The following AGMO variants were observed in gnomAD, a reference collection of about 807,000 sequenced individuals.
The protein encoded by AGMO is alkylglycerol monooxygenase, also known as glyceryl-ether monooxygenase.
Under a neutral mutation model 60.2 loss-of-function variants are expected in AGMO, and 75 were observed. The observed-to-expected ratio is 1.25, with a 90% CI of 1.03 to 1.51. The LOEUF is 1.51. Ranked by LOEUF, AGMO falls within the 40% of genes most tolerant of loss-of-function variation. The pLI is 0.00. For synonymous variants in AGMO, 261 were observed against 177.1 expected (o/e 1.47, Z -3.76); for missense variants, 763 against 525.5 (o/e 1.45, Z -4.42).
In AGMO at chr7:15,472,491, G is replaced by C. The variant is rs765239175; in HGVS notation, c.410-41383C>G. On this transcript the variant is annotated intron_variant, in intron 3 of 12. Coordinates refer to ENST00000342526, the MANE Select transcript of AGMO (RefSeq NM_001004320.2). ...ACAACTCTGGAATCACAGTACTTTA[G>C]ACCTGAAAGAAACCTCAGATGTCAC... is the stretch of plus-strand genomic sequence containing the variant. Among the ~76,000 whole-genome samples the C allele has an allele frequency of 7.9e-5, 12 of 151,784 alleles. 1 individual carries two copies. The highest frequency in any genetic ancestry group is 7.2e-4 in the Admixed American group (11 of 15,194).
the AGMO span, among the ~76,000 whole-genome samples, chr7:15,186,511 A>C: frequency 6.6e-6 from 1 of 152,194 alleles, no homozygotes; most frequent in Non-Finnish European, 1.5e-5. Context: ...AATGGCTGCA[A>C]AGAATGAGTA....
At chr7:15,189,856 A>AT in the AGMO span, among the ~76,000 whole-genome samples, 26 of 151,374 alleles carry the variant, frequency 1.7e-4, no homozygotes, top group African/African-American at 6.0e-4. Context: ...TTCAACAAGA[A>AT]TTTTTTATAC....
downstream of AGMO, chr7:15,200,174 T>G: frequency 7.1e-6 from 1 of 141,280 alleles, no homozygotes; most frequent in African/African-American, 2.8e-5. Context: ...TCAAGAAATA[T>G]TGGATAAATG....
chr7:15,515,471 C>T (rs77433068), intron 3 of AGMO, among the ~76,000 whole-genome samples: 1 of 152,166 alleles, frequency 6.6e-6, no homozygotes, highest in African/African-American at 2.4e-5. Flanking sequence ...CCCGTTAAAT[C>T]CCTGGAATTA....
At chr7:15,136,555 G>A in the AGMO span, among the ~76,000 whole-genome samples, 1 of 152,036 alleles carries the variant, frequency 6.6e-6, no homozygotes, top group East Asian at 1.9e-4. Flanking sequence ...CTAATAGTGT[G>A]TTGGTATTAT....
rs1470147329 is a variant in AGMO, at chr7:15,356,938, T to C, written c.1263+8576A>G. ...GCCTGGCCAACATGGCGAAATCCCCTCTCTACTAAAATTACAAAAAAAAAA... is the reference window on the plus strand; with the variant it reads ...GCCTGGCCAACATGGCGAAATCCCCCCTCTACTAAAATTACAAAAAAAAAA... On this transcript the variant is annotated intron_variant, in intron 12 of 12. Coordinates refer to ENST00000342526, the MANE Select transcript of AGMO (RefSeq NM_001004320.2). Among the ~76,000 whole-genome samples, 4 of 130,926 alleles carry C rather than the reference T, an allele frequency of 3.1e-5. No individual in the cohort carries two copies. In the East Asian group the frequency reaches 6.5e-4, roughly 21 times the overall value. The allele number at this position is 130,926 out of a possible 152,430, so 85.9% of individuals were successfully genotyped here.
At chr7:15,244,202 A>G (rs1024763881) in intron 12 of AGMO, among the ~76,000 whole-genome samples, 3 of 152,192 alleles carry the variant, frequency 2.0e-5, no homozygotes, top group African/African-American at 7.2e-5. Flanking sequence ...TACAAAGCAT[A>G]AAATGTGAGA....
chr7:15,385,306 A>G (rs2128482952), intron 10 of AGMO, 140 bp downstream of exon 10: 1 of 572,062 alleles, frequency 1.7e-6, no homozygotes, highest in East Asian at 3.0e-5. Context: ...TGTTTTACCT[A>G]TTTAAATGTG....
intron 5 of AGMO, chr7:15,395,993 G>T (rs992483443): frequency 1.3e-5 from 2 of 152,024 alleles, no homozygotes; most frequent in Admixed American, 6.5e-5. Context: ...TCCTTCTCTG[G>T]GACAGGAGCC....
At chr7:15,500,477 T>C (rs147442465) in intron 3 of AGMO, among the ~76,000 whole-genome samples, 30 of 151,818 alleles carry the variant, frequency 2.0e-4, no homozygotes, top group African/African-American at 6.3e-4. Context: ...AAAATAAGAG[T>C]ATCGATTCAT....
chr7:15,230,836 T>A (rs927075101), intron 12 of AGMO, among the ~76,000 whole-genome samples: 1 of 152,116 alleles, frequency 6.6e-6, no homozygotes, highest in African/African-American at 2.4e-5. Context: ...TCCCTCAATA[T>A]TGAGAAGACT....
At chr7:15,368,099 G>C (rs911925228) in intron 10 of AGMO, among the ~76,000 whole-genome samples, 1 of 151,906 alleles carries the variant, frequency 6.6e-6, no homozygotes, top group African/African-American at 2.4e-5. Context: ...GAGTATTGCT[G>C]AGTGGTCAAA....
chr7:15,461,459 AG>A (rs1377591558), intron 3 of AGMO, among the ~76,000 whole-genome samples: 1 of 138,674 alleles, frequency 7.2e-6, no homozygotes, highest in Non-Finnish European at 1.6e-5. Flanking sequence ...CTTAAGGTCA[AG>A]AATAAAGAAC....
the AGMO span, among the ~76,000 whole-genome samples, chr7:15,117,796 G>C: frequency 2.0e-5 from 3 of 151,968 alleles, no homozygotes; most frequent in African/African-American, 7.2e-5. Flanking sequence ...GCAAAAGATA[G>C]GTAAAGTGCT....
At chr7:15,380,420 G>T (rs1466207924) in intron 10 of AGMO, among the ~76,000 whole-genome samples, 2 of 151,894 alleles carry the variant, frequency 1.3e-5, no homozygotes, top group Non-Finnish European at 2.9e-5. Context: ...ATTGCCACAA[G>T]AATAATAAAA....
At chr7:15,260,283 G>C (rs569884971) in intron 12 of AGMO, among the ~76,000 whole-genome samples, 1 of 151,282 alleles carries the variant, frequency 6.6e-6, no homozygotes, top group Non-Finnish European at 1.5e-5. Context: ...AACACAGAAG[G>C]ACTCACTTAC....
At chr7:15,378,322 T>C (rs1783534649) in intron 10 of AGMO, among the ~76,000 whole-genome samples, 2 of 152,050 alleles carry the variant, frequency 1.3e-5, no homozygotes, top group African/African-American at 4.8e-5. Flanking sequence ...AATAAATATA[T>C]ATGGACAACA....
intron 12 of AGMO, among the ~76,000 whole-genome samples, chr7:15,270,619 TTTTTTTTTTTTTTTTTTTG>T (rs1416930250): frequency 3.0e-5 from 4 of 133,410 alleles, no homozygotes; most frequent in African/African-American, 8.4e-5. Context: ...TTTTTTTTTT[TTTTTTTTTTTTTTTTTTTG>T]CTGTGCAGAA....
At chr7:15,301,532 A>G (rs1397174832) in intron 12 of AGMO, among the ~76,000 whole-genome samples, 2 of 152,090 alleles carry the variant, frequency 1.3e-5, no homozygotes, top group Admixed American at 6.5e-5. Flanking sequence ...AAAATTATAC[A>G]ACTAGTTCTC....
Sources: gnomAD v4.1 joint callset for allele counts (sites outside exome capture counted in the v4.1 genomes callset) on GRCh38, gnomAD v4.1.1 for gene constraint, MANE v1.5 for transcripts, NCBI Gene and HGNC (gene_info 2026-07-23, HGNC 2026-07-21) for gene names.